Variants in SMG7 observed in about 807,000 individuals in gnomAD.
The protein encoded by SMG7 is nonsense-mediated mRNA decay factor SMG7.
Under a neutral mutation model 148.2 loss-of-function variants are expected in SMG7, and 34 were observed. The ratio of observed to expected loss-of-function variants is 0.23; its 90% CI spans 0.17 to 0.31. SMG7 has a LOEUF of 0.31. Ranked by LOEUF, SMG7 falls within the 10% of genes least tolerant of loss-of-function variation. SMG7 has a pLI of 1.00. For synonymous variants in SMG7, 492 were observed against 515.1 expected (o/e 0.96, Z 0.61); for missense variants, 1,114 against 1,408.4 (o/e 0.79, Z 3.35).
chr1:183,534,144 T>G (rs533779278), intron 10 of SMG7, among the ~76,000 whole-genome samples: 4 of 152,188 alleles, frequency 2.6e-5, no homozygotes, highest in African/African-American at 9.6e-5. Flanking sequence ...TTCTTATCTA[T>G]TACAGTATTC....
intron 15 of SMG7, 123 bp downstream of exon 15, chr1:183,544,620 T>A: frequency 9.8e-7 from 1 of 1,016,510 alleles, no homozygotes; most frequent in Non-Finnish European, 1.4e-6. Flanking sequence ...CTATTTTCCC[T>A]AATACTTATA....
rs947746754 is a variant in SMG7, at chr1:183,546,346, T to G, written c.2742+9T>G. 1.0e-5 allele frequency: 16 copies of G among 1,596,138 alleles called. No homozygotes were observed. Among genetic ancestry groups the G allele is most frequent in the South Asian group, 2.2e-5 (2 of 89,394 alleles). The stretch of plus-strand genomic sequence containing the variant: ...CCAGAATGCCGTTTGAGGTGTGTGT[T>G]CTTTCCTATCACCAGGCAATTTGGA... On this transcript the variant is annotated intron_variant, in intron 17 of 22. Transcript: ENST00000688051.
chr1:183,472,568 G>T lies in SMG7; in HGVS notation c.-53G>T. ...CGGTGCCGCGGGGCCGCTCCGAGGA[G>T]CCTGAGAGACCCACGGAGGCTTCGC... On this transcript the variant is annotated 5_prime_UTR_variant, in exon 1 of 23. Coordinates refer to ENST00000688051, the MANE Select transcript of SMG7 (RefSeq NM_001375584.1). The T allele has an allele frequency of 7.2e-7, 1 of 1,395,558 alleles. No individual in the cohort carries two copies. The highest frequency in any genetic ancestry group is 9.4e-7 in the Non-Finnish European group (1 of 1,066,118). The allele number at this position is 1,395,558 out of a possible 1,614,324, so 86.4% of individuals were successfully genotyped here. A position where few individuals can be genotyped will look rare whatever the true frequency, so the allele number is the denominator to read the frequency against.
In SMG7 at chr1:183,542,429, A is replaced by T. The variant is rs1379740109; in HGVS notation, c.1769A>T (p.Lys590Met). 1.2e-6 allele frequency: 2 copies of T among 1,613,986 alleles called. No individual in the cohort carries two copies. The highest frequency in any genetic ancestry group is 4.5e-5 in the East Asian group (2 of 44,870). The change falls in exon 14 of 23, where the codon AAG (lysine) becomes ATG (methionine). Residue 590 changes from lysine (K) to methionine (M), a missense_variant. Transcript: ENST00000688051. ...TKNDGKKDNNKRKTETKKCTL... is the reference protein window; with the variant it reads ...TKNDGKKDNNMRKTETKKCTL... ...AATGATGGAAAGAAGGACAACAACAAGAGGAAAACTGAAACCAAGAAATGC... is the reference window on the plus strand; with the variant it reads ...AATGATGGAAAGAAGGACAACAACATGAGGAAAACTGAAACCAAGAAATGC...
chr1:183,492,149 C>A (rs1217240445), intron 1 of SMG7, among the ~76,000 whole-genome samples: 1 of 152,188 alleles, frequency 6.6e-6, no homozygotes, highest in Non-Finnish European at 1.5e-5. Flanking sequence ...CCTTAGTTTT[C>A]TTCTAGAAAT....
At position 183,541,024 on chromosome 1, in the gene SMG7, G is replaced by A. The variant is rs377543495; in HGVS notation, c.1336G>A (p.Asp446Asn). Residue 446 changes from aspartate (D) to asparagine (N), a missense_variant, in exon 13 of 23, where the codon GAC (aspartate) becomes AAC (asparagine). This residue lies in a region of SMG7 where 788 missense variants were observed against 894.5 expected (regional missense o/e 0.88). Transcript: ENST00000688051. ...FSKGHQGITGDKEGQQRRIRQ... is the reference protein window; with the variant it reads ...FSKGHQGITGNKEGQQRRIRQ... ...CAAAGGTCACCAGGGTATTACAGGG[G>A]ACAAAGAAGGCCAGCAACGACGAAT... is the stretch of plus-strand genomic sequence containing the variant. 1.4e-5 allele frequency: 22 copies of A among 1,613,478 alleles called. No homozygotes were observed. The highest frequency in any genetic ancestry group is 1.8e-5 in the Non-Finnish European group (21 of 1,179,542).
In SMG7 at chr1:183,540,090, A is replaced by AC. The variant is rs1434072375; in HGVS notation, c.1296-893dup. 6.6e-5 allele frequency among the ~76,000 whole-genome samples: 10 copies of AC among 152,250 alleles called. No individual in the cohort carries two copies. The East Asian group carries it at 1.9e-3, about 29-fold the overall frequency. On this transcript the variant is annotated intron_variant, in intron 12 of 22. Transcript: ENST00000688051. ...ATAAACTCTATACACTATGTGCTAT[A>AC]CTTGAATAGCTCACTATTTTTATTC...
chr1:183,528,008 T>C lies in SMG7; in HGVS notation c.537T>C (p.Ala179=), dbSNP rs1174088418. The change falls in exon 6 of 23, where the codon GCT becomes GCC. Residue 179 remains alanine (A), a synonymous_variant. Transcript: ENST00000688051. Reference sequence around the variant, plus strand: ...CAGAGTCCTACTATAGGCATGCAGCTCAGCTTGTCCCCTCCAATGGTGAGT... The same window carrying C: ...CAGAGTCCTACTATAGGCATGCAGCCCAGCTTGTCCCCTCCAATGGTGAGT... The part of the protein sequence containing the change: ...SQAESYYRHA[A]QLVPSNGQPY... 1.9e-6 allele frequency: 3 copies of C among 1,613,234 alleles called. No homozygotes were observed. The South Asian group carries it at 3.3e-5, about 18-fold the overall frequency.
At position 183,551,998 on chromosome 1, in the gene SMG7, CCA is replaced by C. The variant is rs1671149097; in HGVS notation, c.*72_*73del. 20 of 1,532,286 alleles carry C rather than the reference CCA, an allele frequency of 1.3e-5. No individual in the cohort carries two copies. Among genetic ancestry groups the C allele is most frequent in the Non-Finnish European group, 1.8e-5 (20 of 1,131,854 alleles). 94.9% of individuals were successfully genotyped at this position (1,532,286 alleles called of 1,614,324 possible). ...GGCATGTTGGGTTTGCAGGACTGGC[CCA>C]CACAGTCCCCTGCAGGTGGCAGCCC... On this transcript the variant is annotated 3_prime_UTR_variant, in exon 23 of 23. Coordinates refer to ENST00000688051, the MANE Select transcript of SMG7 (RefSeq NM_001375584.1).
At chr1:183,494,092 A>G (rs764241980) in intron 1 of SMG7, among the ~76,000 whole-genome samples, 5 of 151,982 alleles carry the variant, frequency 3.3e-5, no homozygotes, top group African/African-American at 9.7e-5. Flanking sequence ...GGCTCAAGCA[A>G]TCCTCCCACC....
intron 9 of SMG7, 115 bp downstream of exon 9, chr1:183,533,441 G>C: frequency 8.9e-7 from 1 of 1,121,124 alleles, no homozygotes; most frequent in Middle Eastern, 2.3e-4. Flanking sequence ...TTCTTACACT[G>C]AATCAGGAGT....
At chr1:183,490,149 T>C (rs992644375) in intron 1 of SMG7, among the ~76,000 whole-genome samples, 4 of 152,204 alleles carry the variant, frequency 2.6e-5, no homozygotes, top group African/African-American at 9.6e-5. Context: ...GGGAAGGTCA[T>C]TGGTAACACT....
At chr1:183,491,359 C>A (rs1382805393) in intron 1 of SMG7, among the ~76,000 whole-genome samples, 2 of 152,102 alleles carry the variant, frequency 1.3e-5, no homozygotes, top group Admixed American at 6.5e-5. Context: ...TTTTGATGAA[C>A]CTTTAGGTTG....
In SMG7 at chr1:183,533,305, A is replaced by G; in HGVS notation, c.985A>G (p.Thr329Ala). The change falls in exon 9 of 23, where the codon ACA becomes GCA. Residue 329 changes from threonine to alanine, a missense_variant. Thr to Ala is a moderately conservative substitution (Grantham distance 58). Around this residue, in one of 4 missense-constraint regions of SMG7, gnomAD observed 102 missense variants for 147.2 expected, o/e 0.69. Transcript: ENST00000688051. ...TAGCCAAGATGAGCAGCTATGTTGG[A>G]CACAGTTGCTGGCCCTCTTTAGTGA... ...TYSQDEQLCW[T>A]QLLALFMSFL... 1 of 1,613,674 alleles carries G rather than the reference A, an allele frequency of 6.2e-7. No homozygotes were observed. Among genetic ancestry groups the G allele is most frequent in the Non-Finnish European group, 8.5e-7 (1 of 1,179,752 alleles).
In SMG7 at chr1:183,552,095, C is replaced by T. The variant is rs904531003; in HGVS notation, c.*164C>T. The T allele has an allele frequency of 3.7e-5, 49 of 1,311,302 alleles. No homozygotes were observed. Among genetic ancestry groups the T allele is most frequent in the Non-Finnish European group, 3.7e-5 (38 of 1,019,266 alleles). 81.2% of individuals were successfully genotyped at this position (1,311,302 alleles called of 1,614,324 possible). A position where few individuals can be genotyped will look rare whatever the true frequency, so the allele number is the denominator to read the frequency against. On this transcript the variant is annotated 3_prime_UTR_variant, in exon 23 of 23. Transcript: ENST00000688051. ...GCCCGCTGAGTGTGCACGAAATGTTCGCAGTGCAACAAAAAGAAAAATCCA... is the reference window on the plus strand; with the variant it reads ...GCCCGCTGAGTGTGCACGAAATGTTTGCAGTGCAACAAAAAGAAAAATCCA...
chr1:183,499,670 G>A (rs1441348425), intron 1 of SMG7, among the ~76,000 whole-genome samples: 2 of 152,060 alleles, frequency 1.3e-5, no homozygotes, highest in East Asian at 3.9e-4. Context: ...CTTCGACTTT[G>A]TGGCTTGTTG....
intron 4 of SMG7, among the ~76,000 whole-genome samples, chr1:183,523,794 T>C (rs1214728007): frequency 6.6e-6 from 1 of 152,104 alleles, no homozygotes; most frequent in African/African-American, 2.4e-5. Context: ...ATTTTATTTA[T>C]TTTTTGTGAT....
rs1374987187 is a variant in SMG7 at position 183,533,821 on chromosome 1, T to C, written c.1152T>C (p.Asp384=). 6.2e-7 allele frequency: 1 copy of C among 1,609,256 alleles called. No individual in the cohort carries two copies. The highest frequency in any genetic ancestry group is 8.5e-7 in the Non-Finnish European group (1 of 1,177,090). The change falls in exon 10 of 23, where the codon GAT becomes GAC. Residue 384 remains aspartate, a synonymous_variant. Coordinates refer to ENST00000688051, the MANE Select transcript of SMG7 (RefSeq NM_001375584.1). ...GGGTCTTTCAGGAGGCAGTGGTGGA[T>C]GAAAGACAGTAGTAAGTATTTTTAG... The part of the protein sequence containing the change: ...RPRVFQEAVV[D]ERQYIWPWLI...
At chr1:183,517,969 C>T (rs1279140354) in intron 4 of SMG7, 149 bp downstream of exon 4, 1 of 821,070 alleles carries the variant, frequency 1.2e-6, no homozygotes, top group Non-Finnish European at 1.9e-6. Flanking sequence ...TTTTTGGCGA[C>T]AGAGTCTGAC....
Sources: allele counts gnomAD v4.1 joint callset (sites outside exome capture counted in the v4.1 genomes callset), GRCh38; gene constraint gnomAD v4.1.1; regional missense constraint gnomAD v4.1.1; transcripts MANE v1.5; gene names NCBI Gene and HGNC (gene_info 2026-07-23, HGNC 2026-07-21).